RCC1: variants seen among roughly 807,000 people sequenced by gnomAD.
The protein encoded by RCC1 is regulator of chromosome condensation 1.
Under a neutral mutation model 44.4 loss-of-function variants are expected in RCC1, and 11 were observed. The observed-to-expected ratio is 0.25, with a 90% CI of 0.16 to 0.41. The LOEUF (loss-of-function observed/expected upper bound fraction) is 0.41, where lower values mean the gene tolerates loss of function less well. Ranked by LOEUF, RCC1 falls within the 10% of genes least tolerant of loss-of-function variation. The pLI is 1.00. For missense variants in RCC1, 386 were observed against 547.1 expected (o/e 0.71, Z 2.94); for synonymous variants, 213 against 216.5 (o/e 0.98, Z 0.14).
At chr1:28,521,571 G>C (rs1469085174) in intron 4 of RCC1, among the ~76,000 whole-genome samples, 1 of 151,442 alleles carries the variant, frequency 6.6e-6, no homozygotes, top group East Asian at 1.9e-4. Flanking sequence ...TGCCAGCCCA[G>C]TGCAGGGCCT....
rs1324523238 is a variant in RCC1 at position 28,537,881 on chromosome 1, G to T, written c.1140G>T (p.Gly380=). 1 of 1,613,608 alleles carries T rather than the reference G, an allele frequency of 6.2e-7. No homozygotes were observed. Among genetic ancestry groups the T allele is most frequent in the Admixed American group, 1.7e-5 (1 of 59,922 alleles). Residue 380 remains glycine, a synonymous_variant, in exon 13 of 13, where the codon GGG becomes GGT. Transcript: ENST00000683442. ...GCACCAACTACCAGCTGGGCACAGG[G>T]CAGGATGAGGACGCCTGGAGCCCTG... ...GMGTNYQLGT[G]QDEDAWSPVE...
chr1:28,521,965 C>G (rs998563468), intron 4 of RCC1, among the ~76,000 whole-genome samples: 1 of 152,216 alleles, frequency 6.6e-6, no homozygotes, highest in African/African-American at 2.4e-5. Context: ...CTTTCTGAGC[C>G]TCAGTTCCTT....
In RCC1 at chr1:28,507,971, AGCTGGAGGAAGGAGAATC is replaced by A. The variant is rs558598070; in HGVS notation, c.-261-149_-261-132del. 6.6e-4 allele frequency: 195 copies of A among 296,786 alleles called. 4 individuals carry two copies. Among genetic ancestry groups the A allele is most frequent in the Admixed American group, 1.8e-3 (37 of 20,730 alleles). 18.4% of individuals were successfully genotyped at this position (296,786 alleles called of 1,614,324 possible). On this transcript the variant is annotated intron_variant, in intron 1 of 12. Coordinates refer to ENST00000683442, the MANE Select transcript of RCC1 (RefSeq NM_001381865.2). ...AAAGTAGCCAGGCATGATGATAGGT[AGCTGGAGGAAGGAGAATC>A]GCTGGAGCCCAGGAGTGACCTATAC...
chr1:28,538,190 T>G lies in RCC1; in HGVS notation c.*183T>G, dbSNP rs2124674315. ...TCCTTCCTCCTCTTTGGAATTTTCC[T>G]GGGACCTACAGAATAAAGGGGGGGA... On this transcript the variant is annotated 3_prime_UTR_variant, in exon 13 of 13. Transcript: ENST00000683442. The G allele has an allele frequency of 4.0e-6, 2 of 496,698 alleles. No homozygotes were observed. Among genetic ancestry groups the G allele is most frequent in the African/African-American group, 2.0e-5 (1 of 50,382 alleles). 30.8% of individuals were successfully genotyped at this position (496,698 alleles called of 1,614,324 possible).
intron 5 of RCC1, among the ~76,000 whole-genome samples, chr1:28,531,503 C>T (rs1175064092): frequency 5.3e-5 from 8 of 152,012 alleles, no homozygotes; most frequent in Admixed American, 1.3e-4. Context: ...GTGTGAGCCA[C>T]CGCACCCAGC....
chr1:28,536,991 G>A lies in RCC1; in HGVS notation c.1090+92G>A, dbSNP rs1664595387. On this transcript the variant is annotated intron_variant, in intron 12 of 12. Transcript: ENST00000683442. This position sits in a 1 kb window ranked among gnomAD's most constrained non-coding sequence, Gnocchi z 4.9. Reference sequence around the variant, plus strand: ...AATAGGCTGTGATGTCCACTCTCGGGGGAGCCGAGGTACAGAGAGCAGTGT... The same window carrying A: ...AATAGGCTGTGATGTCCACTCTCGGAGGAGCCGAGGTACAGAGAGCAGTGT... The A allele has an allele frequency of 7.2e-7, 1 of 1,390,600 alleles. No individual in the cohort carries two copies. The highest frequency in any genetic ancestry group is 9.9e-7 in the Non-Finnish European group (1 of 1,009,440). The allele number at this position is 1,390,600 out of a possible 1,614,324, so 86.1% of individuals were successfully genotyped here.
At chr1:28,508,687 T>C (rs1052977017) in intron 2 of RCC1, 143 bp from the exon 3 acceptor site, 7 of 518,968 alleles carry the variant, frequency 1.3e-5, no homozygotes, top group African/African-American at 1.9e-5. Flanking sequence ...GCCTCGTGTC[T>C]GCGCCTGCAT....
At chr1:28,522,579 G>C (rs1363915125) in intron 4 of RCC1, among the ~76,000 whole-genome samples, 1 of 151,958 alleles carries the variant, frequency 6.6e-6, no homozygotes, top group Non-Finnish European at 1.5e-5. Flanking sequence ...AGGTCGAGGT[G>C]GGAGGATCAC....
chr1:28,526,662 G>A, intron 4 of RCC1: 1 of 483,364 alleles, frequency 2.1e-6, no homozygotes, highest in Non-Finnish European at 3.7e-6. Flanking sequence ...TTGGGAGGCT[G>A]AGGTGGGTGG....
At chr1:28,529,182 C>G (rs930399320) in intron 4 of RCC1, among the ~76,000 whole-genome samples, 1 of 80,506 alleles carries the variant, frequency 1.2e-5, no homozygotes, top group Non-Finnish European at 2.3e-5. Flanking sequence ...CGCGCCCAGG[C>G]TTTTTTTTTT....
chr1:28,511,246 C>A (rs1331984322), intron 3 of RCC1, among the ~76,000 whole-genome samples: 1 of 152,122 alleles, frequency 6.6e-6, no homozygotes, highest in Non-Finnish European at 1.5e-5. Flanking sequence ...AAGTGATAAA[C>A]TACCTCATAG....
At position 28,536,086 on chromosome 1, in the gene RCC1, G is replaced by C. The variant is rs1028758622; in HGVS notation, c.817+60G>C. On this transcript the variant is annotated intron_variant, in intron 10 of 12. Coordinates refer to ENST00000683442, the MANE Select transcript of RCC1 (RefSeq NM_001381865.2). The surrounding 1 kb of genome is among the most constrained non-coding windows in gnomAD (Gnocchi z 4.9). ...TGGCCTGCGTTCCTGTCCTGGCTCT[G>C]CCACTCATTCATTGTGCATCCTTTG... The C allele has an allele frequency of 6.4e-7, 1 of 1,557,522 alleles. No homozygotes were observed. Among genetic ancestry groups the C allele is most frequent in the African/African-American group, 1.4e-5 (1 of 73,234 alleles).
In RCC1 at chr1:28,536,202, G is replaced by A. The variant is rs1664547023; in HGVS notation, c.818-60G>A. 1 of 1,593,954 alleles carries A rather than the reference G, an allele frequency of 6.3e-7. No homozygotes were observed. Among genetic ancestry groups the A allele is most frequent in the Admixed American group, 1.7e-5 (1 of 57,744 alleles). ...GGGAGGTGGCCTCACTGTGGGAGGAGATTGAGAAGGGCAGCTCTCAGAACA... is the reference window on the plus strand; with the variant it reads ...GGGAGGTGGCCTCACTGTGGGAGGAAATTGAGAAGGGCAGCTCTCAGAACA... On this transcript the variant is annotated intron_variant, in intron 10 of 12. Transcript: ENST00000683442. The surrounding 1 kb of genome is among the most constrained non-coding windows in gnomAD (Gnocchi z 4.9).
At chr1:28,523,352 G>C (rs1407753063) in intron 4 of RCC1, among the ~76,000 whole-genome samples, 1 of 152,126 alleles carries the variant, frequency 6.6e-6, no homozygotes, top group Non-Finnish European at 1.5e-5. Flanking sequence ...AAGGACGCCA[G>C]CTCTGGAGTC....
intron 4 of RCC1, chr1:28,526,436 G>A (rs1001193400): frequency 2.1e-5 from 10 of 480,564 alleles, no homozygotes; most frequent in Non-Finnish European, 3.2e-5. Context: ...ACAAGGGTGC[G>A]ATGTTTATGT....
chr1:28,512,289 C>T (rs556196210), intron 3 of RCC1, among the ~76,000 whole-genome samples: 2 of 147,308 alleles, frequency 1.4e-5, no homozygotes, highest in South Asian at 4.2e-4. Context: ...TAAGGATCCA[C>T]AATGGCCTCA....
In RCC1 at chr1:28,521,656, G is replaced by A. The variant is rs1663294323; in HGVS notation, c.-10+4789G>A. Reference sequence around the variant, plus strand: ...GGTGCCGTCTCCACCGCAGCAGGGAGTTGTCGCCACTGTCCTTCCCCACAT... The same window carrying A: ...GGTGCCGTCTCCACCGCAGCAGGGAATTGTCGCCACTGTCCTTCCCCACAT... On this transcript the variant is annotated intron_variant, in intron 4 of 12. Coordinates refer to ENST00000683442, the MANE Select transcript of RCC1 (RefSeq NM_001381865.2). 2.0e-5 allele frequency among the ~76,000 whole-genome samples: 3 copies of A among 152,338 alleles called. No homozygotes were observed. The South Asian group carries it at 6.2e-4, about 32-fold the overall frequency.
intron 3 of RCC1, among the ~76,000 whole-genome samples, chr1:28,512,625 G>A (rs548494849): frequency 2.0e-5 from 3 of 151,940 alleles, no homozygotes; most frequent in African/African-American, 7.2e-5. Context: ...TTCTAATGTA[G>A]GCATTTAGTG....
intron 6 of RCC1, 35 bp downstream of exon 6, chr1:28,532,025 G>T: frequency 6.4e-7 from 1 of 1,558,326 alleles, no homozygotes. Flanking sequence ...GTTGGACAAG[G>T]CCTGGGGTTG....
Sources: gnomAD v4.1 joint callset for allele counts (sites outside exome capture counted in the v4.1 genomes callset) on GRCh38, gnomAD v4.1.1 for gene constraint, Gnocchi (gnomAD v3.1) non-coding constraint, MANE v1.5 for transcripts, NCBI Gene and HGNC (gene_info 2026-07-23, HGNC 2026-07-21) for gene names.